RGS12: variants seen among roughly 807,000 people sequenced by gnomAD.
RGS12 encodes the protein regulator of G-protein signaling 12.
Under a neutral mutation model 120.1 loss-of-function variants are expected in RGS12, and 66 were observed. The ratio of observed to expected loss-of-function variants is 0.55; its 90% CI spans 0.45 to 0.67. The LOEUF is 0.67. Ranked by LOEUF, RGS12 falls within the 30% of genes least tolerant of loss-of-function variation. The pLI, the probability that RGS12 is intolerant of heterozygous loss-of-function variation, is 0.00. For missense variants in RGS12, 1,859 were observed against 1,957.7 expected (o/e 0.95, Z 0.95); for synonymous variants, 827 against 804.7 (o/e 1.03, Z -0.47).
intron 2 of RGS12, among the ~76,000 whole-genome samples, chr4:3,327,647 A>G (rs1197683592): frequency 6.6e-6 from 1 of 152,240 alleles, no homozygotes. Context: ...AAGATATACA[A>G]ACGTTCAACA....
chr4:3,326,013 A>G (rs1725532275), intron 2 of RGS12, among the ~76,000 whole-genome samples: 1 of 152,166 alleles, frequency 6.6e-6, no homozygotes, highest in Non-Finnish European at 1.5e-5. Context: ...TATAGAAGGA[A>G]TATAGCTCAA....
chr4:3,290,764 C>T (rs1722986477), upstream of RGS12, among the ~76,000 whole-genome samples: 1 of 152,248 alleles, frequency 6.6e-6, no homozygotes, highest in African/African-American at 2.4e-5. Flanking sequence ...AAGAGTGAAG[C>T]CTACAGGAGG....
chr4:3,439,434 C>G, intron 17 of RGS12, 21 bp from the exon 18 acceptor site: 1 of 1,612,228 alleles, frequency 6.2e-7, no homozygotes, highest in African/African-American at 1.3e-5. Flanking sequence ...CAAGTGACAG[C>G]TTCTCTTCTC....
intron 4 of RGS12, chr4:3,413,651 A>G (rs16844301): frequency 0.27 from 43,554 of 161,754 alleles, 6,248 homozygotes; most frequent in East Asian, 0.49. Context: ...TTTGGGAAAC[A>G]TCTTGTTGCC....
In RGS12 at chr4:3,433,344, G is replaced by C. The variant is rs1724514974; in HGVS notation, c.4114+2389G>C. On this transcript the variant is annotated intron_variant, in intron 17 of 17. Transcript: ENST00000336727. This position sits in a 1 kb window ranked among gnomAD's most constrained non-coding sequence, Gnocchi z 4.4. Reference sequence around the variant, plus strand: ...CATTGCCATGGTGGGCAGCATGCCGGCTACGCGTGGGGGCTGCCAGCAACA... The same window carrying C: ...CATTGCCATGGTGGGCAGCATGCCGCCTACGCGTGGGGGCTGCCAGCAACA... 6.6e-6 allele frequency among the ~76,000 whole-genome samples: 1 copy of C among 152,192 alleles called. No homozygotes were observed. Among genetic ancestry groups the C allele is most frequent in the African/African-American group, 2.4e-5 (1 of 41,446 alleles).
upstream of RGS12, among the ~76,000 whole-genome samples, chr4:3,289,151 T>C (rs1432651030): frequency 6.6e-6 from 1 of 152,260 alleles, no homozygotes; most frequent in Admixed American, 6.5e-5. Context: ...TTGTTTTACA[T>C]GTTTTCTTAT....
At position 3,425,465 on chromosome 4, in the gene RGS12, G is replaced by A. The variant is rs1215678221; in HGVS notation, c.3236G>A (p.Ser1079Asn). Residue 1079 changes from serine (S) to asparagine (N), a missense_variant and splice_region_variant, in exon 14 of 18, where the codon AGT becomes AAT. Physicochemically the swap from Ser to Asn is conservative, Grantham distance 46 (BLOSUM62 1). Coordinates refer to ENST00000336727, the MANE Select transcript of RGS12 (RefSeq NM_001394154.1). Reference protein sequence around the residue: ...LDLSGLLVRLSGEKEPLDLGA... With the variant: ...LDLSGLLVRLNGEKEPLDLGA... The stretch of plus-strand genomic sequence containing the variant: ...ATTCAGTGCTGATCTCTGCCCTAGA[G>A]TGGAGAGAAGGAGCCCCTGGACCTT... 1.2e-6 allele frequency: 2 copies of A among 1,612,090 alleles called. No individual in the cohort carries two copies. Among genetic ancestry groups the A allele is most frequent in the South Asian group, 2.2e-5 (2 of 91,008 alleles).
Position 3,317,322 on chromosome 4 carries a change from G to A in RGS12, c.1152G>A (p.Gln384=), listed in dbSNP as rs1341285923. ...EFPASSLPVL[Q]FISVLYRDMG... ...CGGCGTCCTCCCTCCCCGTCCTGCA[G>A]TTCATCTCTGTCCTGTACCGAGACA... is the stretch of plus-strand genomic sequence containing the variant. The change falls in exon 2 of 18, where the codon CAG becomes CAA. Residue 384 remains glutamine, a synonymous_variant. Transcript: ENST00000336727. 8 of 1,614,142 alleles carry A rather than the reference G, an allele frequency of 5.0e-6. No individual in the cohort carries two copies. The highest frequency in any genetic ancestry group is 2.2e-5 in the East Asian group (1 of 44,890).
chr4:3,367,439 G>A (rs754228574), intron 3 of RGS12, among the ~76,000 whole-genome samples: 11 of 152,272 alleles, frequency 7.2e-5, no homozygotes, highest in Non-Finnish European at 1.3e-4. Context: ...GCATGTGTTG[G>A]TGAAGGGCTG....
At chr4:3,422,819 C>A in intron 11 of RGS12, 86 bp from the exon 12 acceptor site, 1 of 1,238,504 alleles carries the variant, frequency 8.1e-7, no homozygotes, top group Non-Finnish European at 1.2e-6. Context: ...TTCTGCTCTG[C>A]ACAGCTGTGT....
chr4:3,408,307 C>G (rs1485676920), intron 4 of RGS12, among the ~76,000 whole-genome samples: 1 of 152,188 alleles, frequency 6.6e-6, no homozygotes. Flanking sequence ...GAGAACAACT[C>G]CAGAGCACAT....
chr4:3,394,335 G>A (rs1223383329), intron 4 of RGS12, among the ~76,000 whole-genome samples: 2 of 152,070 alleles, frequency 1.3e-5, no homozygotes, highest in Admixed American at 6.5e-5. Flanking sequence ...GCTAATTTTT[G>A]TATTTTTAGT....
chr4:3,439,772 G>A lies in RGS12; in HGVS notation c.*88G>A, dbSNP rs1725169278. On this transcript the variant is annotated 3_prime_UTR_variant, in exon 18 of 18. Transcript: ENST00000336727. Reference sequence around the variant, plus strand: ...TGTGGGCCTCAGGGGGGCCACCCTGGCCACCACACCCTCAGGAGCCCAGCC... The same window carrying A: ...TGTGGGCCTCAGGGGGGCCACCCTGACCACCACACCCTCAGGAGCCCAGCC... 2 of 1,272,978 alleles carry A rather than the reference G, an allele frequency of 1.6e-6. No individual in the cohort carries two copies. The highest frequency in any genetic ancestry group is 2.1e-6 in the Non-Finnish European group (2 of 947,344). The allele number at this position is 1,272,978 out of a possible 1,614,324, so 78.9% of individuals were successfully genotyped here. A position where few individuals can be genotyped will look rare whatever the true frequency, so the allele number is the denominator to read the frequency against.
rs1405630782 is a variant in RGS12 at position 3,309,430 on chromosome 4, C to T, written c.-101-6640C>T. Among the ~76,000 whole-genome samples, 97 of 92,364 alleles carry T rather than the reference C, an allele frequency of 1.1e-3. No individual in the cohort carries two copies. In the East Asian group the frequency reaches 0.014, roughly 13 times the overall value. The allele number at this position is 92,364 out of a possible 152,430, so 60.6% of individuals were successfully genotyped here. On this transcript the variant is annotated intron_variant, in intron 1 of 17. Transcript: ENST00000336727. Reference sequence around the variant, plus strand: ...CAGGTGTCCGCTGAGGGGAACCGTGCAGGGGAGGAGCTGGGACCCAGGAAT... The same window carrying T: ...CAGGTGTCCGCTGAGGGGAACCGTGTAGGGGAGGAGCTGGGACCCAGGAAT...
chr4:3,353,154 A>G (rs1447275910), intron 3 of RGS12, among the ~76,000 whole-genome samples: 1 of 152,116 alleles, frequency 6.6e-6, no homozygotes, highest in Non-Finnish European at 1.5e-5. Flanking sequence ...TGATGTTCTG[A>G]GTTGAACCAG....
At chr4:3,361,648 T>G (rs1315771785) in intron 3 of RGS12, among the ~76,000 whole-genome samples, 1 of 152,144 alleles carries the variant, frequency 6.6e-6, no homozygotes, top group Non-Finnish European at 1.5e-5. Context: ...GGGGAGCACC[T>G]GGAGGAGCTC....
intron 1 of RGS12, among the ~76,000 whole-genome samples, chr4:3,303,112 G>A (rs1723777097): frequency 6.6e-6 from 1 of 152,230 alleles, no homozygotes; most frequent in Non-Finnish European, 1.5e-5. Flanking sequence ...CGAGGGGGAT[G>A]TTGAGGTTTG....
chr4:3,313,501 A>G (rs1724540551), intron 1 of RGS12, among the ~76,000 whole-genome samples: 2 of 151,976 alleles, frequency 1.3e-5, no homozygotes, highest in South Asian at 2.1e-4. Context: ...TCCCCCTTGT[A>G]TTTGTTTCCT....
intron 2 of RGS12, among the ~76,000 whole-genome samples, chr4:3,334,154 A>G (rs1005291003): frequency 6.6e-6 from 1 of 152,226 alleles, no homozygotes; most frequent in Admixed American, 6.5e-5. Flanking sequence ...GATATGTGGA[A>G]GTATAATTGA....
Sources: gnomAD v4.1 joint callset for allele counts (sites outside exome capture counted in the v4.1 genomes callset) on GRCh38, gnomAD v4.1.1 for gene constraint, Gnocchi (gnomAD v3.1) non-coding constraint, MANE v1.5 for transcripts, NCBI Gene and HGNC (gene_info 2026-07-23, HGNC 2026-07-21) for gene names.